Variants in MTFR2 observed in about 807,000 individuals in gnomAD.
The protein encoded by MTFR2 is mitochondrial fission regulator 2.
In MTFR2, 44 loss-of-function variants were observed where a neutral mutation model predicts 41.2. That is an observed-to-expected ratio of 1.07 (90% CI 0.84 to 1.37). The LOEUF is 1.37. Among genes scored for constraint, MTFR2 ranks in the 40% most tolerant of loss-of-function variants. The pLI, the probability that MTFR2 is intolerant of heterozygous loss-of-function variation, is 0.00. For missense variants in MTFR2, 452 were observed against 459.5 expected (o/e 0.98, Z 0.15); for synonymous variants, 141 against 154.6 (o/e 0.91, Z 0.65).
At chr6:136,249,465 GCT>G (rs1243906623) in intron 1 of MTFR2, among the ~76,000 whole-genome samples, 2 of 152,306 alleles carry the variant, frequency 1.3e-5, no homozygotes, top group South Asian at 4.1e-4. Context: ...AGCGAAGCTC[GCT>G]CTTTCCTGAA....
chr6:136,247,241 C>T (rs1290045983), intron 2 of MTFR2, among the ~76,000 whole-genome samples: 2 of 152,056 alleles, frequency 1.3e-5, no homozygotes, highest in South Asian at 2.1e-4. Context: ...ATCCCAGCTA[C>T]GCGGGAGGCT....
chr6:136,248,123 G>A (rs1393308700), intron 2 of MTFR2, among the ~76,000 whole-genome samples: 6 of 151,986 alleles, frequency 3.9e-5, no homozygotes, highest in South Asian at 4.2e-4. Flanking sequence ...CACCCCACCC[G>A]TCTTCCTTAC....
intron 6 of MTFR2, among the ~76,000 whole-genome samples, chr6:136,234,478 G>A (rs1779853115): frequency 6.6e-6 from 1 of 152,146 alleles, no homozygotes; most frequent in South Asian, 2.1e-4. Context: ...GGCTGCATCA[G>A]GAAGGAGCTT....
At chr6:136,238,821 C>T (rs868669232) in intron 6 of MTFR2, among the ~76,000 whole-genome samples, 2 of 152,066 alleles carry the variant, frequency 1.3e-5, no homozygotes, top group African/African-American at 4.8e-5. Context: ...AATCCCAGCG[C>T]TTTGGGAGGC....
chr6:136,231,271 G>A lies in MTFR2; in HGVS notation c.*4C>T. 1.1e-5 allele frequency: 17 copies of A among 1,583,752 alleles called. No individual in the cohort carries two copies. Among genetic ancestry groups the A allele is most frequent in the Non-Finnish European group, 1.4e-5 (16 of 1,156,508 alleles). On this transcript the variant is annotated 3_prime_UTR_variant, in exon 8 of 8. Coordinates refer to ENST00000420702, the MANE Select transcript of MTFR2 (RefSeq NM_001099286.3). ...GAAGTTTAAAGCTCAACCTTAAGTT[G>A]AGTTTAAATCCTTGAGTTTAGAAGG...
chr6:136,234,923 A>C (rs938687222), intron 6 of MTFR2, among the ~76,000 whole-genome samples: 3 of 152,200 alleles, frequency 2.0e-5, no homozygotes, highest in African/African-American at 4.8e-5. Context: ...TTTGAGACGG[A>C]GTCTCGCTTT....
rs866443384 is a variant in MTFR2 at position 136,250,114 on chromosome 6, C to G, written c.-193G>C. 70 of 152,590 alleles carry G rather than the reference C, an allele frequency of 4.6e-4. 1 individual carries two copies. The highest frequency in any genetic ancestry group is 1.5e-3 in the African/African-American group (61 of 41,448). 9.5% of individuals were successfully genotyped at this position (152,590 alleles called of 1,614,324 possible). ...ACCCAGACCTCGACCCAGTTTCCAC[C>G]CGCGCGCCTCGGCTTGCAGCCACAG... On this transcript the variant is annotated 5_prime_UTR_variant, in exon 1 of 8. Transcript: ENST00000420702.
In MTFR2 at chr6:136,244,750, T is replaced by C; in HGVS notation, c.168+15A>G. ...TTGTACTTGGTACTTAAACAATTTA[T>C]GTTGACTGACTTACCTCAAAATTAG... On this transcript the variant is annotated intron_variant, in intron 3 of 7. Transcript: ENST00000420702. The C allele has an allele frequency of 6.4e-7, 1 of 1,563,500 alleles. No homozygotes were observed. Among genetic ancestry groups the C allele is most frequent in the South Asian group, 1.1e-5 (1 of 89,662 alleles).
intron 6 of MTFR2, among the ~76,000 whole-genome samples, chr6:136,234,771 T>G (rs1468095356): frequency 6.6e-6 from 1 of 152,136 alleles, no homozygotes; most frequent in Non-Finnish European, 1.5e-5. Context: ...AAGTCTAAGC[T>G]AGATAAGAAT....
At chr6:136,245,947 C>T (rs909170301) in intron 2 of MTFR2, among the ~76,000 whole-genome samples, 1 of 152,124 alleles carries the variant, frequency 6.6e-6, no homozygotes, top group African/African-American at 2.4e-5. Flanking sequence ...GACATGTGGC[C>T]AGTGGCTATC....
In MTFR2 at chr6:136,241,594, C is replaced by T; in HGVS notation, c.364G>A (p.Val122Ile). 1 of 1,614,138 alleles carries T rather than the reference C, an allele frequency of 6.2e-7. No homozygotes were observed. Among genetic ancestry groups the T allele is most frequent in the African/African-American group, 1.3e-5 (1 of 75,042 alleles). The change falls in exon 5 of 8, where the codon GTA becomes ATA. Residue 122 changes from valine (V) to isoleucine (I), a missense_variant. Coordinates refer to ENST00000420702, the MANE Select transcript of MTFR2 (RefSeq NM_001099286.3). The stretch of plus-strand genomic sequence containing the variant: ...TTTTTCACAGTTTCTTTCTGTCTTA[C>T]AGCAGGTGACAGTGGATCCCGAACT... ...RLVRDPLSPA[V>I]RQKETVKNDL...
At chr6:136,243,130 G>A (rs952655943) in intron 3 of MTFR2, among the ~76,000 whole-genome samples, 157 bp from the exon 4 acceptor site, 2 of 152,136 alleles carry the variant, frequency 1.3e-5, no homozygotes, top group African/African-American at 4.8e-5. Flanking sequence ...AAGAACACTG[G>A]GGAAAATGTT....
chr6:136,248,449 T>G (rs1336363552), intron 2 of MTFR2, among the ~76,000 whole-genome samples: 1 of 152,198 alleles, frequency 6.6e-6, no homozygotes, highest in African/African-American at 2.4e-5. Flanking sequence ...TGTGATGGTT[T>G]TATAAACAGG....
chr6:136,247,414 C>T (rs149672271), intron 2 of MTFR2: 11 of 433,910 alleles, frequency 2.5e-5, no homozygotes, highest in Non-Finnish European at 4.1e-5. Flanking sequence ...GCAGGACAGT[C>T]TCTCTCCTTT....
chr6:136,248,510 G>T (rs1306655137), intron 2 of MTFR2, among the ~76,000 whole-genome samples: 2 of 152,182 alleles, frequency 1.3e-5, no homozygotes, highest in Admixed American at 1.3e-4. Flanking sequence ...ATGTGACTTT[G>T]CTACTCATTT....
At chr6:136,239,432 A>C in intron 6 of MTFR2, 34 bp downstream of exon 6, 1 of 1,501,698 alleles carries the variant, frequency 6.7e-7, no homozygotes, top group Non-Finnish European at 9.0e-7. Flanking sequence ...AATTGACAAA[A>C]TTTCAGTTCA....
intron 6 of MTFR2, among the ~76,000 whole-genome samples, chr6:136,236,812 G>A (rs957705456): frequency 3.9e-5 from 6 of 152,136 alleles, no homozygotes; most frequent in Non-Finnish European, 8.8e-5. Context: ...TTTTCTCACC[G>A]AAAACCTCAC....
At chr6:136,244,620 AT>A in intron 3 of MTFR2, 144 bp downstream of exon 3, 1 of 615,750 alleles carries the variant, frequency 1.6e-6, no homozygotes, top group Admixed American at 3.5e-5. Context: ...AAAAACATAT[AT>A]GAAATGGCTT....
At chr6:136,243,071 G>GA (rs1307221311) in intron 3 of MTFR2, 98 bp from the exon 4 acceptor site, 1 of 681,058 alleles carries the variant, frequency 1.5e-6, no homozygotes, top group Non-Finnish European at 2.3e-6. Context: ...CCAAAAGAAA[G>GA]AAAAATAAAA....
Sources: allele counts gnomAD v4.1 joint callset (sites outside exome capture counted in the v4.1 genomes callset), GRCh38; gene constraint gnomAD v4.1.1; transcripts MANE v1.5; gene names NCBI Gene and HGNC (gene_info 2026-07-23, HGNC 2026-07-21).